UTP25: variants seen among roughly 807,000 people sequenced by gnomAD.
The protein encoded by UTP25 is U3 small nucleolar RNA-associated protein 25 homolog.
A neutral mutation model predicts 78.9 loss-of-function variants in UTP25; 50 were observed. The observed-to-expected ratio is 0.63, with a 90% CI of 0.50 to 0.80. The LOEUF (loss-of-function observed/expected upper bound fraction) is 0.80. Among genes scored for constraint, UTP25 ranks in the 30% least tolerant of loss-of-function variants. The pLI is 0.00. For synonymous variants in UTP25, 329 were observed against 336.5 expected, an observed-to-expected ratio of 0.98 and a Z score of 0.24; for missense variants, 846 against 911.3, an observed-to-expected ratio of 0.93 and a Z score of 0.92.
At chr1:209,828,281 C>G in intron 1 of UTP25, 111 bp downstream of exon 1, 1 of 801,402 alleles carries the variant, frequency 1.2e-6, no homozygotes. Context: ...TTCCCTGGCT[C>G]CCGCTGTGCT....
rs2078240807 is a variant in UTP25 at position 209,851,738 on chromosome 1, T to C, written c.*291T>C. 7.6e-6 allele frequency: 2 copies of C among 263,810 alleles called. No homozygotes were observed. The highest frequency in any genetic ancestry group is 7.2e-6 in the Non-Finnish European group (1 of 139,120). The allele number at this position is 263,810 out of a possible 1,614,324, so 16.3% of individuals were successfully genotyped here. On this transcript the variant is annotated 3_prime_UTR_variant, in exon 12 of 12. Coordinates refer to ENST00000491415, the MANE Select transcript of UTP25 (RefSeq NM_014388.7). Reference sequence around the variant, plus strand: ...GTGAATATTTTTGTGAGACATAAATTCTTTTATTACGATTTACCTCTAATT... The same window carrying C: ...GTGAATATTTTTGTGAGACATAAATCCTTTTATTACGATTTACCTCTAATT...
Position 209,831,035 on chromosome 1 carries a change from G to C in UTP25, c.380G>C (p.Ser127Thr). The C allele has an allele frequency of 1.2e-6, 2 of 1,614,118 alleles. No homozygotes were observed. The highest frequency in any genetic ancestry group is 1.7e-6 in the Non-Finnish European group (2 of 1,179,980). Residue 127 changes from serine to threonine, a missense_variant, in exon 3 of 12, where the codon AGT (serine) becomes ACT (threonine). Physicochemically the swap from Ser to Thr is moderately conservative, Grantham distance 58. Coordinates refer to ENST00000491415, the MANE Select transcript of UTP25 (RefSeq NM_014388.7). Reference protein sequence around the residue: ...EEEMAAESTESPENVALSADP... With the variant: ...EEEMAAESTETPENVALSADP... ...GAGATGGCTGCAGAGTCTACTGAAA[G>C]TCCAGAGAGTAAGTGTCTTTACTAT...
At chr1:209,835,033 T>A in intron 4 of UTP25, 42 bp from the exon 5 acceptor site, 1 of 1,519,556 alleles carries the variant, frequency 6.6e-7, no homozygotes, top group Non-Finnish European at 9.1e-7. Context: ...AAAACCCCTC[T>A]GTAGTTGCAT....
Position 209,839,158 on chromosome 1 carries a change from A to G in UTP25, c.1282+30A>G, listed in dbSNP as rs145280991. On this transcript the variant is annotated intron_variant, in intron 7 of 11. Transcript: ENST00000491415. ...TTCTTCCTTATCAACTTTGAGACCT[A>G]AAGTGTGAAGGTCTACATAGCTGGA... 3.6e-5 allele frequency: 56 copies of G among 1,570,218 alleles called. No homozygotes were observed. The East Asian group carries it at 1.3e-3, about 35-fold the overall frequency.
In UTP25 at chr1:209,830,911, G is replaced by T; in HGVS notation, c.256G>T (p.Glu86Ter). The T allele has an allele frequency of 1.2e-6, 2 of 1,613,956 alleles. No homozygotes were observed. Among genetic ancestry groups the T allele is most frequent in the African/African-American group, 2.7e-5 (2 of 75,040 alleles). The change falls in exon 3 of 12, where the codon GAA becomes TAA. Residue 86 changes from glutamate (E) to a stop codon, truncating the protein, a stop_gained. Coordinates refer to ENST00000491415, the MANE Select transcript of UTP25 (RefSeq NM_014388.7). LOFTEE classifies it high-confidence loss of function. ...TACATTAAAGAATGTTTCTGAGGAAGAAGAGGAAGATGAGGAGGAGGAAGA... is the reference window on the plus strand; with the variant it reads ...TACATTAAAGAATGTTTCTGAGGAATAAGAGGAAGATGAGGAGGAGGAAGA... ...LATLKNVSEE[E>*]EEDEEEEEEE...
At chr1:209,839,959 G>A (rs2078157040) in intron 7 of UTP25, among the ~76,000 whole-genome samples, 1 of 152,196 alleles carries the variant, frequency 6.6e-6, no homozygotes, top group African/African-American at 2.4e-5. Context: ...GTGGAAACCT[G>A]TGTAGGATTC....
chr1:209,851,248 C>T lies in UTP25; in HGVS notation c.2072C>T (p.Pro691Leu), dbSNP rs778011326. The T allele has an allele frequency of 1.5e-5, 25 of 1,614,020 alleles. No individual in the cohort carries two copies. Among genetic ancestry groups the T allele is most frequent in the East Asian group, 2.2e-5 (1 of 44,874 alleles). Reference protein sequence around the residue: ...GIRNLIFYELPTYPHFYSEIC... With the variant: ...GIRNLIFYELLTYPHFYSEIC... Reference sequence around the variant, plus strand: ...AGGAACCTGATTTTCTATGAACTGCCGACATATCCACACTTTTACAGTGAA... The same window carrying T: ...AGGAACCTGATTTTCTATGAACTGCTGACATATCCACACTTTTACAGTGAA... The change falls in exon 12 of 12, where the codon CCG becomes CTG. Residue 691 changes from proline to leucine, a missense_variant. Transcript: ENST00000491415.
rs538545163 is a variant in UTP25 at position 209,831,899 on chromosome 1, T to G, written c.388+856T>G. 4.6e-5 allele frequency among the ~76,000 whole-genome samples: 7 copies of G among 152,346 alleles called. No homozygotes were observed. The South Asian group carries it at 1.4e-3, about 32-fold the overall frequency. ...TGTTGTGCATGTATTAGTCACTTACTACTTTTTAGTTGCTGGAATAGCATT... is the reference window on the plus strand; with the variant it reads ...TGTTGTGCATGTATTAGTCACTTACGACTTTTTAGTTGCTGGAATAGCATT... On this transcript the variant is annotated intron_variant, in intron 3 of 11. Transcript: ENST00000491415.
At chr1:209,847,021 A>G (rs689016) in intron 11 of UTP25, among the ~76,000 whole-genome samples, 147,044 of 152,316 alleles carry the variant, frequency 0.97, 71,017 homozygotes, top group East Asian at 1. Flanking sequence ...GCACATGCAC[A>G]CGTGCACACA....
intron 5 of UTP25, among the ~76,000 whole-genome samples, chr1:209,836,132 A>G (rs1236657814): frequency 6.6e-6 from 1 of 152,062 alleles, no homozygotes; most frequent in Non-Finnish European, 1.5e-5. Context: ...AATGACTCAT[A>G]CAGCATGTAA....
intron 6 of UTP25, among the ~76,000 whole-genome samples, chr1:209,838,483 A>G (rs1237113030): frequency 1.3e-5 from 2 of 152,016 alleles, no homozygotes; most frequent in Non-Finnish European, 2.9e-5. Flanking sequence ...TACTTGTTCC[A>G]TTTATTTATT....
intron 2 of UTP25, 68 bp from the exon 3 acceptor site, chr1:209,830,732 TTGA>T (rs1333982494): frequency 6.5e-7 from 1 of 1,539,246 alleles, no homozygotes; most frequent in African/African-American, 1.4e-5. Context: ...AGATGTTGGC[TTGA>T]TGATAGTTTT....
chr1:209,832,268 A>C lies in UTP25; in HGVS notation c.389-917A>C, dbSNP rs544906957. Among the ~76,000 whole-genome samples, 16 of 152,188 alleles carry C rather than the reference A, an allele frequency of 1.1e-4. 1 individual carries two copies. In the South Asian group the frequency reaches 1.9e-3, roughly 18 times the overall value. The stretch of plus-strand genomic sequence containing the variant: ...CATTGTATATAACCTTTCAGACTAC[A>C]TTTTTATGATTATATATGAGTATGT... On this transcript the variant is annotated intron_variant, in intron 3 of 11. Coordinates refer to ENST00000491415, the MANE Select transcript of UTP25 (RefSeq NM_014388.7).
intron 4 of UTP25, among the ~76,000 whole-genome samples, chr1:209,833,774 A>G (rs570518251): frequency 6.6e-6 from 1 of 152,328 alleles, no homozygotes; most frequent in African/African-American, 2.4e-5. Flanking sequence ...CTTTATTACC[A>G]GGGAGACCCT....
intron 1 of UTP25, among the ~76,000 whole-genome samples, chr1:209,828,771 A>C (rs1339879426): frequency 7.7e-6 from 1 of 129,914 alleles, no homozygotes; most frequent in African/African-American, 2.8e-5. Flanking sequence ...ATATATGTAT[A>C]TATATAATTT....
chr1:209,838,928 T>C lies in UTP25; in HGVS notation c.1082T>C (p.Phe361Ser), dbSNP rs972863808. Reference protein sequence around the residue: ...TRPKVLIVVPFREAALRVVQL... With the variant: ...TRPKVLIVVPSREAALRVVQL... Reference sequence around the variant, plus strand: ...GCACAGGTACTGATAGTGGTGCCATTCCGGGAAGCTGCTTTGCGGGTGGTG... The same window carrying C: ...GCACAGGTACTGATAGTGGTGCCATCCCGGGAAGCTGCTTTGCGGGTGGTG... Residue 361 changes from phenylalanine to serine, a missense_variant, in exon 7 of 12, where the codon TTC becomes TCC. Transcript: ENST00000491415. The C allele has an allele frequency of 1.2e-6, 2 of 1,613,920 alleles. No homozygotes were observed. The highest frequency in any genetic ancestry group is 1.7e-6 in the Non-Finnish European group (2 of 1,179,972).
Position 209,842,701 on chromosome 1 carries a change from C to T in UTP25, c.1781+6C>T, listed in dbSNP as rs1424332621. On this transcript the variant is annotated splice_donor_region_variant and intron_variant, in intron 10 of 11. Coordinates refer to ENST00000491415, the MANE Select transcript of UTP25 (RefSeq NM_014388.7). The stretch of plus-strand genomic sequence containing the variant: ...GCTTCAGTGATTGATGCCAGGTAAC[C>T]CACTCCTCCCAGCAGGCCCCTGGGG... 12 of 1,602,212 alleles carry T rather than the reference C, an allele frequency of 7.5e-6. No homozygotes were observed. The highest frequency in any genetic ancestry group is 1.0e-5 in the Non-Finnish European group (12 of 1,173,168).
At position 209,828,108 on chromosome 1, in the gene UTP25, C is replaced by T. The variant is rs956634147; in HGVS notation, c.45C>T (p.Thr15=). 10 of 1,614,044 alleles carry T rather than the reference C, an allele frequency of 6.2e-6. No homozygotes were observed. The East Asian group carries it at 1.1e-4, about 18-fold the overall frequency. ...GSRSQSQLLN[T]LTKKQKKHLR... is the part of the protein sequence containing the mutation. ...GGAGCCAGAGCCAGCTACTCAACAC[C>T]CTAACTAAAAAGCAGAAGAAACATC... The change falls in exon 1 of 12, where the codon ACC becomes ACT. Residue 15 remains threonine, a synonymous_variant. Coordinates refer to ENST00000491415, the MANE Select transcript of UTP25 (RefSeq NM_014388.7).
Position 209,837,157 on chromosome 1 carries a change from G to A in UTP25, c.1008G>A (p.Lys336=). Residue 336 remains lysine, a synonymous_variant, in exon 6 of 12, where the codon AAG becomes AAA. Coordinates refer to ENST00000491415, the MANE Select transcript of UTP25 (RefSeq NM_014388.7). ...ACAATAGCAGACGCCGAAGCCAGAA[G>A]TTTGGAGTGGGTGATGATGATGACT... is the stretch of plus-strand genomic sequence containing the variant. The part of the protein sequence containing the change: ...LGNNSRRRSQ[K]FGVGDDDDFR... 6.2e-7 allele frequency: 1 copy of A among 1,614,144 alleles called. No individual in the cohort carries two copies. The highest frequency in any genetic ancestry group is 8.5e-7 in the Non-Finnish European group (1 of 1,180,012).
Sources: allele counts gnomAD v4.1 joint callset (sites outside exome capture counted in the v4.1 genomes callset), GRCh38; gene constraint gnomAD v4.1.1; transcripts MANE v1.5; gene names NCBI Gene and HGNC (gene_info 2026-07-23, HGNC 2026-07-21).